The following TP63 variants were observed in gnomAD, a reference collection of about 807,000 sequenced individuals.
TP63 encodes the protein tumor protein p63, also known as tumor protein 63.
In TP63, 17 loss-of-function variants were observed where a neutral mutation model predicts 82.8. The observed-to-expected ratio is 0.21, with a 90% CI of 0.14 to 0.31. The LOEUF (loss-of-function observed/expected upper bound fraction) is 0.31, where lower values mean the gene tolerates loss of function less well. Ranked by LOEUF, TP63 falls within the 10% of genes least tolerant of loss-of-function variation. TP63 has a pLI of 1.00. For missense variants in TP63, 648 were observed against 895.3 expected, an observed-to-expected ratio of 0.72 and a Z score of 3.52; for synonymous variants, 330 against 321.7, an observed-to-expected ratio of 1.03 and a Z score of -0.28.
chr3:189,672,443 A>T (rs1446942978), intron 1 of TP63, among the ~76,000 whole-genome samples: 1 of 151,956 alleles, frequency 6.6e-6, no homozygotes, highest in Non-Finnish European at 1.5e-5. Context: ...TCTACAAAAG[A>T]TGAACAAAAT....
At chr3:189,819,655 T>A (rs934555563) in intron 4 of TP63, among the ~76,000 whole-genome samples, 1 of 152,170 alleles carries the variant, frequency 6.6e-6, no homozygotes, top group Non-Finnish European at 1.5e-5. Flanking sequence ...ACAAATAGAA[T>A]TGTCAACATC....
At chr3:189,614,096 A>G in the TP63 span, among the ~76,000 whole-genome samples, 27 of 151,984 alleles carry the variant, frequency 1.8e-4, no homozygotes, top group African/African-American at 6.5e-4. Context: ...TGAGGACAGG[A>G]GATTTGGAGG....
At chr3:189,804,061 A>G (rs1726610144) in intron 3 of TP63, among the ~76,000 whole-genome samples, 1 of 152,134 alleles carries the variant, frequency 6.6e-6, no homozygotes, top group African/African-American at 2.4e-5. Context: ...TTTGTTACCT[A>G]AGAAATACAT....
intron 1 of TP63, among the ~76,000 whole-genome samples, chr3:189,643,264 G>A (rs1712081783): frequency 2.0e-5 from 3 of 152,082 alleles, no homozygotes; most frequent in Admixed American, 6.6e-5. Flanking sequence ...GCCTCTCAAA[G>A]TGCTGAGACT....
chr3:189,626,632 G>T (rs78535593), upstream of TP63, among the ~76,000 whole-genome samples: 2,053 of 152,240 alleles, frequency 0.013, 55 homozygotes, highest in African/African-American at 0.047. Context: ...AAAACTCTCT[G>T]CTCAGTCATG....
intron 3 of TP63, among the ~76,000 whole-genome samples, chr3:189,794,117 T>C (rs1013716106): frequency 6.6e-6 from 1 of 152,072 alleles, no homozygotes; most frequent in Non-Finnish European, 1.5e-5. Context: ...TTACTTATAC[T>C]TTTTGATTAA....
intron 3 of TP63, among the ~76,000 whole-genome samples, chr3:189,805,159 T>A (rs1726749191): frequency 6.6e-6 from 1 of 152,214 alleles, no homozygotes; most frequent in African/African-American, 2.4e-5. Flanking sequence ...TCCAAAGGAC[T>A]CTTGTGACTC....
At chr3:189,843,496 A>C (rs1240363373) in intron 4 of TP63, among the ~76,000 whole-genome samples, 1 of 152,224 alleles carries the variant, frequency 6.6e-6, no homozygotes, top group East Asian at 1.9e-4. Context: ...TTTTAAAAAA[A>C]TGATCAAGAG....
At chr3:189,677,626 CT>C (rs1715558237) in intron 1 of TP63, among the ~76,000 whole-genome samples, 1 of 151,738 alleles carries the variant, frequency 6.6e-6, no homozygotes, top group South Asian at 2.1e-4. Context: ...AGTGGGGTTA[CT>C]GGATTTAATG....
At position 189,828,987 on chromosome 3, in the gene TP63, C is replaced by T. The variant is rs117284323; in HGVS notation, c.579+20461C>T. 7.2e-4 allele frequency among the ~76,000 whole-genome samples: 109 copies of T among 152,318 alleles called. No homozygotes were observed. In the East Asian group the frequency reaches 0.016, roughly 23 times the overall value. On this transcript the variant is annotated intron_variant, in intron 4 of 13. Transcript: ENST00000264731. The stretch of plus-strand genomic sequence containing the variant: ...CTAGGAAAATGTATTTGGCCTTTGA[C>T]TCGTGGTTGGTCCTCAGTGAATGTT...
intron 1 of TP63, among the ~76,000 whole-genome samples, chr3:189,722,224 T>C (rs1279022304): frequency 6.6e-6 from 1 of 152,226 alleles, no homozygotes; most frequent in Non-Finnish European, 1.5e-5. Context: ...GACGCTGATC[T>C]ACCCTCTCTA....
chr3:189,753,057 T>G (rs1721937551), intron 3 of TP63, among the ~76,000 whole-genome samples: 1 of 152,132 alleles, frequency 6.6e-6, no homozygotes, highest in Admixed American at 6.5e-5. Context: ...GTTTCTAGAG[T>G]CATGATATTG....
chr3:189,843,786 G>T (rs1714483782), intron 4 of TP63, among the ~76,000 whole-genome samples: 1 of 152,170 alleles, frequency 6.6e-6, no homozygotes, highest in African/African-American at 2.4e-5. Context: ...GAAATAATTT[G>T]CCCAAGATGA....
intron 1 of TP63, among the ~76,000 whole-genome samples, chr3:189,707,154 G>A (rs925328615): frequency 6.6e-6 from 1 of 152,114 alleles, no homozygotes; most frequent in African/African-American, 2.4e-5. Flanking sequence ...TCTAAAAAAG[G>A]AATTTTTTAA....
At chr3:189,778,517 A>T (rs1275696145) in intron 3 of TP63, among the ~76,000 whole-genome samples, 2 of 152,236 alleles carry the variant, frequency 1.3e-5, no homozygotes, top group African/African-American at 4.8e-5. Flanking sequence ...TCATAATGGA[A>T]TCGAAAGTAG....
chr3:189,655,233 G>A (rs965415005), intron 1 of TP63, among the ~76,000 whole-genome samples: 5 of 152,160 alleles, frequency 3.3e-5, no homozygotes, highest in Non-Finnish European at 5.9e-5. Context: ...CAAGGAGCTT[G>A]GAGGTTGTCA....
intron 3 of TP63, among the ~76,000 whole-genome samples, chr3:189,761,072 T>C (rs1270963763): frequency 1.3e-5 from 2 of 152,158 alleles, no homozygotes; most frequent in Non-Finnish European, 2.9e-5. Context: ...AAGCACTTTT[T>C]CCTCCTAAAC....
intron 1 of TP63, among the ~76,000 whole-genome samples, chr3:189,662,568 A>G (rs1459234951): frequency 6.6e-6 from 1 of 152,076 alleles, no homozygotes; most frequent in East Asian, 1.9e-4. Context: ...TGAGTGGAAG[A>G]TCTTCTGAAT....
intron 4 of TP63, among the ~76,000 whole-genome samples, chr3:189,839,765 C>T (rs979019125): frequency 6.6e-6 from 1 of 152,146 alleles, no homozygotes; most frequent in African/African-American, 2.4e-5. Context: ...TATCATGTGG[C>T]TTTTTCTCCA....
Sources: gnomAD v4.1 joint callset for allele counts (sites outside exome capture counted in the v4.1 genomes callset) on GRCh38, gnomAD v4.1.1 for gene constraint, MANE v1.5 for transcripts, NCBI Gene and HGNC (gene_info 2026-07-23, HGNC 2026-07-21) for gene names.